GRIA3: variants seen among roughly 807,000 people sequenced by gnomAD.
GRIA3 encodes the protein glutamate ionotropic receptor AMPA type subunit 3, also known as glutamate receptor 3.
In GRIA3, 3 loss-of-function variants were observed where a neutral mutation model predicts 63.0. The observed-to-expected ratio is 0.05, with a 90% confidence interval of 0.02 to 0.12. The LOEUF (loss-of-function observed/expected upper bound fraction) is 0.12. Ranked by LOEUF, GRIA3 falls within the 10% of genes least tolerant of loss-of-function variation. The probability of loss-of-function intolerance (pLI) is 1.00; values close to 1 mark genes in which losing one functional copy is unlikely to be tolerated. For missense variants in GRIA3, 347 were observed against 700.9 expected, an observed-to-expected ratio of 0.50 and a Z score of 5.70; for synonymous variants, 274 against 257.9, an observed-to-expected ratio of 1.06 and a Z score of -0.60.
chrX:123,245,399 G>T (rs1463675571), intron 2 of GRIA3, among the ~76,000 whole-genome samples: 1 of 111,808 alleles, frequency 8.9e-6, no homozygotes, highest in Non-Finnish European at 1.9e-5. Context: ...TCATCCACAT[G>T]GAGGTAGTGA....
intron 3 of GRIA3, among the ~76,000 whole-genome samples, chrX:123,282,761 T>A (rs1213470980): frequency 8.9e-6 from 1 of 111,889 alleles, no homozygotes; most frequent in Non-Finnish European, 1.9e-5. Context: ...TAAGAACTAG[T>A]TGTGTGTGGT....
chrX:123,220,230 C>T (rs1928258335), intron 2 of GRIA3, among the ~76,000 whole-genome samples: 1 of 112,227 alleles, frequency 8.9e-6, no homozygotes, highest in African/African-American at 3.2e-5. Context: ...TATTCAAGGT[C>T]ATATGGTGAG....
At chrX:123,265,623 TG>T (rs1344185281) in intron 3 of GRIA3, among the ~76,000 whole-genome samples, 1 of 111,663 alleles carries the variant, frequency 9.0e-6, no homozygotes, top group Non-Finnish European at 1.9e-5. Flanking sequence ...GAAAAATCCG[TG>T]TATAAGTGGA....
chrX:123,241,890 G>A (rs1351286530), intron 2 of GRIA3, among the ~76,000 whole-genome samples: 1 of 111,636 alleles, frequency 9.0e-6, no homozygotes, highest in East Asian at 2.8e-4. Flanking sequence ...TAGATTTGCA[G>A]TCAATATATT....
chrX:123,373,782 A>G (rs898286895), intron 5 of GRIA3, among the ~76,000 whole-genome samples: 1 of 111,398 alleles, frequency 9.0e-6, no homozygotes, highest in African/African-American at 3.3e-5. Context: ...TAGATTGCAA[A>G]AATTTTCTCC....
rs1411920447 is a variant in GRIA3 at position 123,464,857 on chromosome X, T to C, written c.2077-8T>C. 1.7e-6 allele frequency: 2 copies of C among 1,204,274 alleles called. No individual in the cohort carries two copies. The highest frequency in any genetic ancestry group is 3.5e-5 in the South Asian group (2 of 56,711). On this transcript the variant is annotated splice_region_variant and splice_polypyrimidine_tract_variant and intron_variant, in intron 12 of 15. Coordinates refer to ENST00000620443, the MANE Select transcript of GRIA3 (RefSeq NM_007325.5). ...GCAGCTCTAAGAATTCTTATCTCTT[T>C]GGTGCAGAGATCCAAAATTGCTGTG... is the stretch of plus-strand genomic sequence containing the variant.
intron 4 of GRIA3, among the ~76,000 whole-genome samples, chrX:123,344,693 T>C (rs1466616472): frequency 9.0e-6 from 1 of 111,380 alleles, no homozygotes; most frequent in African/African-American, 3.3e-5. Context: ...TCAGAAATTC[T>C]TTTTTGGCTC....
chrX:123,352,355 C>T (rs1348617328), intron 4 of GRIA3, among the ~76,000 whole-genome samples: 1 of 112,779 alleles, frequency 8.9e-6, no homozygotes, highest in Non-Finnish European at 1.9e-5. Context: ...GCTGGGATTA[C>T]AGGCGTAAGC....
At chrX:123,468,894 T>C (rs1470304287) in intron 13 of GRIA3, among the ~76,000 whole-genome samples, 1 of 112,922 alleles carries the variant, frequency 8.9e-6, no homozygotes, top group East Asian at 2.8e-4. Flanking sequence ...CATAAATCTC[T>C]GCTGACTTTC....
At chrX:123,232,312 G>C (rs1002868066) in intron 2 of GRIA3, among the ~76,000 whole-genome samples, 2 of 111,611 alleles carry the variant, frequency 1.8e-5, no homozygotes, top group East Asian at 5.7e-4. Flanking sequence ...ATGAAAAGGG[G>C]TAATTCTGAG....
At chrX:123,280,001 A>G (rs1355603030) in intron 3 of GRIA3, among the ~76,000 whole-genome samples, 1 of 112,584 alleles carries the variant, frequency 8.9e-6, no homozygotes, top group African/African-American at 3.2e-5. Flanking sequence ...CTGTTAAACT[A>G]GACTATTTGA....
intron 13 of GRIA3, among the ~76,000 whole-genome samples, chrX:123,476,901 A>T (rs1004266714): frequency 2.7e-5 from 3 of 111,602 alleles, no homozygotes; most frequent in African/African-American, 9.8e-5. Context: ...ACATTGCCAA[A>T]TGTCCCCTGG....
At chrX:123,217,960 A>G (rs1928199743) in intron 2 of GRIA3, among the ~76,000 whole-genome samples, 1 of 112,847 alleles carries the variant, frequency 8.9e-6, no homozygotes, top group South Asian at 3.6e-4. Context: ...GACAGATTGC[A>G]AACTGCTCAT....
At chrX:123,190,028 T>A (rs1244917306) in intron 2 of GRIA3, among the ~76,000 whole-genome samples, 1 of 111,947 alleles carries the variant, frequency 8.9e-6, no homozygotes, top group Non-Finnish European at 1.9e-5. Flanking sequence ...ATTTAACTAT[T>A]TATGTCCATT....
intron 12 of GRIA3, among the ~76,000 whole-genome samples, chrX:123,439,136 G>A (rs759756453): frequency 3.6e-5 from 4 of 112,163 alleles, no homozygotes; most frequent in South Asian, 7.5e-4. Context: ...AAAACTTAGG[G>A]GAGCATGCTT....
intron 12 of GRIA3, among the ~76,000 whole-genome samples, chrX:123,431,517 C>A (rs776567035): frequency 8.9e-6 from 1 of 111,823 alleles, no homozygotes; most frequent in South Asian, 3.8e-4. Flanking sequence ...CCTTAGACAG[C>A]AGCTCCAAAA....
intron 3 of GRIA3, among the ~76,000 whole-genome samples, chrX:123,303,864 C>T (rs1313884025): frequency 2.7e-5 from 3 of 111,174 alleles, no homozygotes; most frequent in Non-Finnish European, 3.8e-5. Context: ...ACAGTAAAAT[C>T]TCTATCAAAC....
intron 3 of GRIA3, among the ~76,000 whole-genome samples, chrX:123,260,035 G>T (rs1415035101): frequency 9.1e-6 from 1 of 110,391 alleles, no homozygotes. Flanking sequence ...ATCCAGACAG[G>T]CAAGAGGTCA....
chrX:123,246,291 A>G (rs1016365316), intron 2 of GRIA3, among the ~76,000 whole-genome samples: 2 of 111,955 alleles, frequency 1.8e-5, no homozygotes, highest in African/African-American at 6.5e-5. Flanking sequence ...AAATTGACAC[A>G]AGACTATTAT....
Sources: allele counts gnomAD v4.1 joint callset (sites outside exome capture counted in the v4.1 genomes callset), GRCh38; gene constraint gnomAD v4.1.1; transcripts MANE v1.5; gene names NCBI Gene and HGNC (gene_info 2026-07-23, HGNC 2026-07-21).